Variants in PSME4 observed in about 807,000 individuals in gnomAD.
PSME4 encodes the protein proteasome activator subunit 4, also known as proteasome activator complex subunit 4.
In PSME4, 89 loss-of-function variants were observed where a neutral mutation model predicts 253.9. The observed-to-expected ratio is 0.35, with a 90% CI of 0.30 to 0.42. The LOEUF is 0.42. Ranked by LOEUF, PSME4 falls within the 10% of genes least tolerant of loss-of-function variation. PSME4 has a pLI of 1.00. For synonymous variants in PSME4, 851 were observed against 759.2 expected, an observed-to-expected ratio of 1.12 and a Z score of -1.99; for missense variants, 2,014 against 2,195.2, an observed-to-expected ratio of 0.92 and a Z score of 1.65.
chr2:53,963,999 T>A (rs1670606000), intron 1 of PSME4, among the ~76,000 whole-genome samples: 1 of 152,184 alleles, frequency 6.6e-6, no homozygotes, highest in Non-Finnish European at 1.5e-5. Flanking sequence ...GTCTTTTGAA[T>A]ATTTGATATT....
chr2:53,878,843 G>T (rs1199004782), intron 41 of PSME4, among the ~76,000 whole-genome samples: 1 of 152,116 alleles, frequency 6.6e-6, no homozygotes, highest in Admixed American at 6.6e-5. Flanking sequence ...TTTTGCCCAG[G>T]TCCTATGGTT....
intron 1 of PSME4, among the ~76,000 whole-genome samples, chr2:53,961,872 C>G (rs1196607374): frequency 6.6e-6 from 1 of 152,210 alleles, no homozygotes; most frequent in Non-Finnish European, 1.5e-5. Flanking sequence ...GAAGCGTCCA[C>G]CCTACTGTTG....
chr2:53,934,438 A>G (rs1398988514), intron 8 of PSME4, among the ~76,000 whole-genome samples, 167 bp downstream of exon 8: 1 of 152,222 alleles, frequency 6.6e-6, no homozygotes, highest in Admixed American at 6.5e-5. Context: ...AAATGGTACC[A>G]CTATATTCTG....
rs1230232565 is a variant in PSME4, at chr2:53,875,768, G to A, written c.4816-13C>T. The A allele has an allele frequency of 5.6e-6, 9 of 1,606,514 alleles. No homozygotes were observed. Among genetic ancestry groups the A allele is most frequent in the Non-Finnish European group, 7.6e-6 (9 of 1,176,676 alleles). ...CCACTGGGGCAATCTAAAAAACAAT[G>A]TAAAAAGGACAAAAATGGAAAAATA... is the stretch of plus-strand genomic sequence containing the variant. On this transcript the variant is annotated splice_polypyrimidine_tract_variant and intron_variant, in intron 41 of 46. Coordinates refer to ENST00000404125, the MANE Select transcript of PSME4 (RefSeq NM_014614.3).
At chr2:53,895,217 G>A in intron 33 of PSME4, 141 bp from the exon 34 acceptor site, 1 of 665,844 alleles carries the variant, frequency 1.5e-6, no homozygotes, top group Non-Finnish European at 2.5e-6. Context: ...TAACAGTCTA[G>A]GCCTTAAAAA....
chr2:53,970,792 G>C lies in PSME4; in HGVS notation c.-8C>G. The C allele has an allele frequency of 6.5e-7, 1 of 1,532,346 alleles. No individual in the cohort carries two copies. The highest frequency in any genetic ancestry group is 2.5e-5 in the East Asian group (1 of 40,504). The allele number at this position is 1,532,346 out of a possible 1,614,324, so 94.9% of individuals were successfully genotyped here. On this transcript the variant is annotated 5_prime_UTR_variant, in exon 1 of 47. Transcript: ENST00000404125. ...CCGCTCGGCCGGCTCCATGAGCCCA[G>C]GGACACCCCCCCCACCCCCTCCCAC...
chr2:53,882,444 C>T (rs185346798), intron 41 of PSME4, among the ~76,000 whole-genome samples: 2 of 152,168 alleles, frequency 1.3e-5, no homozygotes, highest in African/African-American at 4.8e-5. Context: ...CTCAGCCACC[C>T]ACTCCTCAAT....
intron 2 of PSME4, 133 bp downstream of exon 2, chr2:53,949,007 GATA>G: frequency 5.9e-6 from 7 of 1,192,716 alleles, no homozygotes; most frequent in East Asian, 5.0e-5. Flanking sequence ...TGAAAATTAA[GATA>G]ATGTTTTTTG....
chr2:53,962,205 C>T (rs537071429), intron 1 of PSME4, among the ~76,000 whole-genome samples: 62 of 152,224 alleles, frequency 4.1e-4, no homozygotes, highest in Non-Finnish European at 8.5e-4. Context: ...ATAAATTTTG[C>T]TTGTAAGAGA....
chr2:53,906,736 A>G, intron 25 of PSME4, 43 bp from the exon 26 acceptor site: 1 of 1,594,300 alleles, frequency 6.3e-7, no homozygotes, highest in Non-Finnish European at 8.5e-7. Context: ...TTGATTATGA[A>G]AACAAAACTA....
chr2:53,949,491 G>C (rs1669878295), intron 1 of PSME4, among the ~76,000 whole-genome samples: 1 of 146,236 alleles, frequency 6.8e-6, no homozygotes, highest in African/African-American at 2.5e-5. Context: ...CTTTTTATTG[G>C]TTTTCTGGAT....
chr2:53,886,834 T>C (rs766136258), intron 40 of PSME4, among the ~76,000 whole-genome samples: 1 of 151,460 alleles, frequency 6.6e-6, no homozygotes, highest in African/African-American at 2.5e-5. Context: ...GGTAACAGAT[T>C]AAGGACACAA....
At chr2:53,952,434 C>T (rs997853632) in intron 1 of PSME4, among the ~76,000 whole-genome samples, 1 of 152,074 alleles carries the variant, frequency 6.6e-6, no homozygotes. Flanking sequence ...CCCAGCTACT[C>T]GGGAGGCTGA....
At chr2:53,965,081 G>T (rs1394008045) in intron 1 of PSME4, among the ~76,000 whole-genome samples, 1 of 151,604 alleles carries the variant, frequency 6.6e-6, no homozygotes, top group Non-Finnish European at 1.5e-5. Context: ...TCAAAATTCT[G>T]TTTAAACACA....
At chr2:53,945,486 G>C (rs1396501704) in intron 3 of PSME4, among the ~76,000 whole-genome samples, 2 of 152,050 alleles carry the variant, frequency 1.3e-5, no homozygotes, top group African/African-American at 4.8e-5. Context: ...AAGACAGACA[G>C]AAAGCTAGAA....
At chr2:53,901,630 C>G (rs368217478) in intron 27 of PSME4, 71 bp from the exon 28 acceptor site, 4 of 1,256,198 alleles carry the variant, frequency 3.2e-6, no homozygotes, top group Non-Finnish European at 4.4e-6. Context: ...GCCAATGCAC[C>G]TATGTATTGG....
chr2:53,906,640 C>A lies in PSME4; in HGVS notation c.2901G>T (p.Met967Ile), dbSNP rs1435724111. ...GCEYKKIHQD[M>I]IRDLLRLSTS... Reference sequence around the variant, plus strand: ...TAGATAAACGAAGAAGATCTCTGATCATATCTTGATGTATCTTTTTGTATT... The same window carrying A: ...TAGATAAACGAAGAAGATCTCTGATAATATCTTGATGTATCTTTTTGTATT... The change falls in exon 26 of 47, where the codon ATG becomes ATT. Residue 967 changes from methionine to isoleucine, a missense_variant. Met to Ile is a conservative substitution (Grantham distance 10). This residue lies in a region of PSME4 where 989 missense variants were observed against 1,021.1 expected (regional missense o/e 0.97). Coordinates refer to ENST00000404125, the MANE Select transcript of PSME4 (RefSeq NM_014614.3). The A allele has an allele frequency of 6.2e-7, 1 of 1,602,866 alleles. No homozygotes were observed. Among genetic ancestry groups the A allele is most frequent in the African/African-American group, 1.3e-5 (1 of 74,242 alleles).
At chr2:53,901,292 G>A (rs1256750177) in intron 28 of PSME4, 58 bp downstream of exon 28, 1 of 1,425,794 alleles carries the variant, frequency 7.0e-7, no homozygotes, top group Non-Finnish European at 9.8e-7. Context: ...AAAATAAAGG[G>A]CATTTTAACA....
chr2:53,909,730 G>C (rs1338638403), intron 21 of PSME4, among the ~76,000 whole-genome samples: 4 of 152,208 alleles, frequency 2.6e-5, no homozygotes, highest in African/African-American at 7.2e-5. Flanking sequence ...GGGAAGCGGA[G>C]GTGGGTAGAT....
Sources: allele counts gnomAD v4.1 joint callset (sites outside exome capture counted in the v4.1 genomes callset), GRCh38; gene constraint gnomAD v4.1.1; regional missense constraint gnomAD v4.1.1; transcripts MANE v1.5; gene names NCBI Gene and HGNC (gene_info 2026-07-23, HGNC 2026-07-21).